The following TOGARAM2 variants were observed in gnomAD, a reference collection of about 807,000 sequenced individuals.
The protein encoded by TOGARAM2 is TOG array regulator of axonemal microtubules protein 2.
In TOGARAM2, 85 loss-of-function variants were observed where a neutral mutation model predicts 93.3. The observed-to-expected ratio is 0.91, with a 90% CI of 0.76 to 1.09. The LOEUF (loss-of-function observed/expected upper bound fraction) is 1.09. Among genes scored for constraint, TOGARAM2 ranks in the 50% least tolerant of loss-of-function variants. The probability of loss-of-function intolerance (pLI) is 0.00; values close to 1 mark genes in which losing one functional copy is unlikely to be tolerated. For synonymous variants in TOGARAM2, 593 were observed against 552.8 expected, an observed-to-expected ratio of 1.07 and a Z score of -1.02; for missense variants, 1,277 against 1,334.5, an observed-to-expected ratio of 0.96 and a Z score of 0.67.
chr2:29,039,904 C>A (rs1027152062), intron 18 of TOGARAM2, among the ~76,000 whole-genome samples: 3 of 152,216 alleles, frequency 2.0e-5, no homozygotes, highest in African/African-American at 7.2e-5. Context: ...CATCCCCTCC[C>A]GATCAGACCT....
intron 14 of TOGARAM2, among the ~76,000 whole-genome samples, chr2:29,029,264 T>TATAC (rs1553344446): frequency 1.4e-5 from 2 of 147,880 alleles, no homozygotes; most frequent in East Asian, 2.0e-4. Flanking sequence ...TATGTGTGTA[T>TATAC]ACACACACAC....
At chr2:28,997,855 A>T (rs773240374) in intron 2 of TOGARAM2, among the ~76,000 whole-genome samples, 69 of 152,058 alleles carry the variant, frequency 4.5e-4, no homozygotes, top group Non-Finnish European at 8.5e-4. Context: ...GGAGATGAAA[A>T]GGCATGGAGG....
chr2:29,004,563 TG>T (rs1157864975), intron 6 of TOGARAM2, among the ~76,000 whole-genome samples: 1 of 152,198 alleles, frequency 6.6e-6, no homozygotes, highest in East Asian at 1.9e-4. Flanking sequence ...AGAGCACGTG[TG>T]TGTGAGAGTG....
At position 28,998,225 on chromosome 2, in the gene TOGARAM2, C is replaced by T; in HGVS notation, c.111C>T (p.Ser37=). The T allele has an allele frequency of 6.2e-7, 1 of 1,612,404 alleles. No individual in the cohort carries two copies. The highest frequency in any genetic ancestry group is 8.5e-7 in the Non-Finnish European group (1 of 1,179,284). The change falls in exon 3 of 20, where the codon AGC becomes AGT. Residue 37 remains serine, a synonymous_variant. Coordinates refer to ENST00000379558, the MANE Select transcript of TOGARAM2 (RefSeq NM_199280.4). The stretch of plus-strand genomic sequence containing the variant: ...GGCCCCGGGTGCTCCCGCCTGGAAG[C>T]ATCAACTCCAGTCTGCCTCATGGAG... ...SAGPRVLPPG[S]INSSLPHGEG...
rs752430246 is a variant in TOGARAM2 at position 29,023,179 on chromosome 2, G to A, written c.1605G>A (p.Val535=). Residue 535 remains valine (V), a synonymous_variant, in exon 12 of 20, where the codon GTG becomes GTA. Transcript: ENST00000379558. ...LTGKLHDVCL[V]VTGEVTNLRS... is the part of the protein sequence containing the mutation. ...GGAAGCTGCACGACGTGTGCTTGGT[G>A]GTGACTGGGGAGGTGAGGCCCCCCA... 3.8e-6 allele frequency: 6 copies of A among 1,587,666 alleles called. No homozygotes were observed. In the Admixed American group the frequency reaches 5.4e-5, roughly 14 times the overall value.
At chr2:28,975,338 G>A (rs760585057) in intron 1 of TOGARAM2, among the ~76,000 whole-genome samples, 10 of 151,774 alleles carry the variant, frequency 6.6e-5, no homozygotes, top group South Asian at 4.2e-4. Context: ...ACAGGTGCCC[G>A]CCACCACGCC....
rs779107565 is a variant in TOGARAM2, at chr2:29,024,240, C to T, written c.1719C>T (p.Ile573=). The T allele has an allele frequency of 2.2e-5, 35 of 1,610,854 alleles. No homozygotes were observed. Among genetic ancestry groups the T allele is most frequent in the Admixed American group, 5.0e-5 (3 of 59,642 alleles). Residue 573 remains isoleucine (I), a synonymous_variant, in exon 13 of 20, where the codon ATC becomes ATT. Transcript: ENST00000379558. ...KKNMDQEAEE[I]ARCLLQKMAD... is the part of the protein sequence containing the mutation. ...ATATGGACCAGGAGGCCGAGGAGAT[C>T]GCCCGCTGCTTGCTGCAGAAGATGG... is the stretch of plus-strand genomic sequence containing the variant.
chr2:29,022,191 C>T lies in TOGARAM2; in HGVS notation c.1394C>T (p.Ser465Phe). Residue 465 changes from serine (S) to phenylalanine (F), a missense_variant, in exon 11 of 20, where the codon TCT becomes TTT. By Grantham distance (155) the Ser-to-Phe change is radical. Transcript: ENST00000379558. ...NSLPAVLTLG[S>F]PEWEEEEEMD... ...TTACCTGCGGTGCTCACGTTGGGGT[C>T]TCCTGAATGGGAAGAAGAGGAGGAG... 6.2e-7 allele frequency: 1 copy of T among 1,614,002 alleles called. No individual in the cohort carries two copies. The highest frequency in any genetic ancestry group is 1.3e-5 in the African/African-American group (1 of 75,030).
Position 29,006,579 on chromosome 2 carries a change from C to T in TOGARAM2, c.830+2897C>T, listed in dbSNP as rs548909675. Among the ~76,000 whole-genome samples, 60 of 152,234 alleles carry T rather than the reference C, an allele frequency of 3.9e-4. 1 individual carries two copies. In the South Asian group the frequency reaches 0.011, roughly 28 times the overall value. On this transcript the variant is annotated intron_variant, in intron 6 of 19. Coordinates refer to ENST00000379558, the MANE Select transcript of TOGARAM2 (RefSeq NM_199280.4). The stretch of plus-strand genomic sequence containing the variant: ...GTTCCTGCTGTGACTGCTTCCCTCC[C>T]GTTTCTTGGGGCCTGATGACTTGGA...
In TOGARAM2 at chr2:29,002,723, C is replaced by T. The variant is rs202118942; in HGVS notation, c.615C>T (p.His205=). The T allele has an allele frequency of 1.3e-3, 2,141 of 1,613,744 alleles. 3 individuals are homozygous for T. The highest frequency in any genetic ancestry group is 3.9e-3 in the South Asian group (358 of 90,996). ...LDLPGSIPGP[H]ELRPGAQEAQ... ...TACCGGGGAGCATTCCGGGTCCTCA[C>T]GAGTTGAGACCCGGTGCTCAGGAGG... is the stretch of plus-strand genomic sequence containing the variant. The change falls in exon 5 of 20, where the codon CAC becomes CAT. Residue 205 remains histidine (H), a synonymous_variant. Transcript: ENST00000379558.
intron 7 of TOGARAM2, among the ~76,000 whole-genome samples, chr2:29,012,080 G>A (rs1395701208): frequency 6.6e-6 from 1 of 152,214 alleles, no homozygotes; most frequent in Non-Finnish European, 1.5e-5. Context: ...GAGGGGACAG[G>A]GCAGGGTAGG....
intron 1 of TOGARAM2, among the ~76,000 whole-genome samples, chr2:28,965,973 G>T (rs572611405): frequency 1.4e-4 from 21 of 152,028 alleles, no homozygotes; most frequent in African/African-American, 5.1e-4. Flanking sequence ...TTCTGAGAGG[G>T]TATTTGGTCC....
chr2:28,981,997 G>A (rs895138867), intron 1 of TOGARAM2, among the ~76,000 whole-genome samples: 6 of 152,182 alleles, frequency 3.9e-5, no homozygotes, highest in African/African-American at 1.4e-4. Context: ...CATAGGCCTT[G>A]GAGGGGCTCT....
intron 6 of TOGARAM2, among the ~76,000 whole-genome samples, chr2:29,005,457 ATG>A (rs1304648571): frequency 4.0e-5 from 5 of 124,154 alleles, no homozygotes; most frequent in East Asian, 2.7e-4. Flanking sequence ...ATGTGAGAGC[ATG>A]TGTGACTGCA....
rs371630084 is a variant in TOGARAM2, at chr2:28,999,458, G to A, written c.417G>A (p.Ala139=). The change falls in exon 4 of 20, where the codon GCG becomes GCA. Residue 139 remains alanine (A), a synonymous_variant. Transcript: ENST00000379558. The stretch of plus-strand genomic sequence containing the variant: ...GGAGGCTCTCAGAGGGCTTGGCAGC[G>A]TCTTCCCGAGGTGAGCACTGGCCCC... ...KKRRLSEGLA[A]SSRASLDPGG... 37 of 1,605,364 alleles carry A rather than the reference G, an allele frequency of 2.3e-5. No individual in the cohort carries two copies. Among genetic ancestry groups the A allele is most frequent in the East Asian group, 1.8e-4 (8 of 44,744 alleles).
intron 18 of TOGARAM2, among the ~76,000 whole-genome samples, chr2:29,037,404 G>T (rs1307901407): frequency 6.6e-6 from 1 of 152,186 alleles, no homozygotes; most frequent in African/African-American, 2.4e-5. Flanking sequence ...GTACAAGGAC[G>T]AGCTTTCCCA....
intron 1 of TOGARAM2, among the ~76,000 whole-genome samples, chr2:28,968,578 G>T (rs1671898325): frequency 1.3e-5 from 2 of 152,090 alleles, no homozygotes; most frequent in Non-Finnish European, 1.5e-5. Context: ...AGGCCAAGGT[G>T]GGTGGATTGC....
intron 1 of TOGARAM2, 43 bp from the exon 2 acceptor site, chr2:28,994,682 T>C: frequency 1.5e-6 from 1 of 681,798 alleles, no homozygotes; most frequent in Non-Finnish European, 2.5e-6. Flanking sequence ...TTAAAAGTGT[T>C]AATTTGCTTT....
At chr2:29,006,390 G>C (rs201399450) in intron 6 of TOGARAM2, among the ~76,000 whole-genome samples, 1 of 146,228 alleles carries the variant, frequency 6.8e-6, no homozygotes, top group South Asian at 2.2e-4. Context: ...GTGTGAGTGC[G>C]TGTGTGTGAG....
Sources: allele counts gnomAD v4.1 joint callset (sites outside exome capture counted in the v4.1 genomes callset), GRCh38; gene constraint gnomAD v4.1.1; transcripts MANE v1.5; gene names NCBI Gene and HGNC (gene_info 2026-07-23, HGNC 2026-07-21).